The following RIMKLB variants were observed in gnomAD, a reference collection of about 807,000 sequenced individuals.
The protein encoded by RIMKLB is ribosomal modification protein rimK like family member B, also known as beta-citrylglutamate synthase B.
A neutral mutation model predicts 32.0 loss-of-function variants in RIMKLB; 7 were observed. The ratio of observed to expected loss-of-function variants is 0.22; its 90% CI spans 0.12 to 0.41. The LOEUF (loss-of-function observed/expected upper bound fraction) is 0.41. Ranked by LOEUF, RIMKLB falls within the 10% of genes least tolerant of loss-of-function variation. RIMKLB has a pLI of 1.00. For missense variants in RIMKLB, 289 were observed against 498.7 expected (o/e 0.58, Z 4.00); for synonymous variants, 172 against 185.1 (o/e 0.93, Z 0.57).
upstream of RIMKLB, chr12:8,678,875 T>G (rs1942360238): frequency 6.6e-6 from 1 of 152,210 alleles, no homozygotes; most frequent in Non-Finnish European, 1.5e-5. Context: ...TTTTTACCTA[T>G]TTAGCAGATT....
intron 1 of RIMKLB, among the ~76,000 whole-genome samples, chr12:8,708,448 G>C (rs901020328): frequency 1.2e-4 from 19 of 152,208 alleles, no homozygotes; most frequent in Non-Finnish European, 2.2e-4. Flanking sequence ...CCTCTGTACA[G>C]AATAGGTTGA....
intron 1 of RIMKLB, among the ~76,000 whole-genome samples, chr12:8,686,997 TAAG>T (rs1487479457): frequency 6.6e-6 from 1 of 152,156 alleles, no homozygotes; most frequent in Non-Finnish European, 1.5e-5. Flanking sequence ...TGTGGTGGGG[TAAG>T]AATACGTACT....
intron 2 of RIMKLB, among the ~76,000 whole-genome samples, chr12:8,748,929 T>A (rs1948387830): frequency 6.6e-6 from 1 of 151,984 alleles, no homozygotes. Context: ...ACAGTGAGCC[T>A]TTGTCTCAAA....
At chr12:8,685,877 G>A (rs770536138) in intron 1 of RIMKLB, among the ~76,000 whole-genome samples, 2 of 151,780 alleles carry the variant, frequency 1.3e-5, no homozygotes, top group African/African-American at 4.8e-5. Context: ...GGGCAATCTC[G>A]GCTCACTGCA....
At chr12:8,726,319 A>C (rs927803116) in intron 2 of RIMKLB, among the ~76,000 whole-genome samples, 9 of 152,196 alleles carry the variant, frequency 5.9e-5, no homozygotes, top group Non-Finnish European at 1.2e-4. Flanking sequence ...ACTTTTTCGT[A>C]TACTTATTTG....
chr12:8,723,231 G>C (rs907440705), intron 2 of RIMKLB, among the ~76,000 whole-genome samples: 1 of 152,174 alleles, frequency 6.6e-6, no homozygotes, highest in South Asian at 2.1e-4. Flanking sequence ...AGCCACTGTA[G>C]GGTTATTAAC....
chr12:8,672,769 C>T, the RIMKLB span, among the ~76,000 whole-genome samples: 3 of 152,200 alleles, frequency 2.0e-5, no homozygotes, highest in Admixed American at 2.0e-4. Flanking sequence ...CCTCCCCGTG[C>T]TCCTGCTTTC....
At chr12:8,753,307 C>T (rs1255024025) in intron 4 of RIMKLB, among the ~76,000 whole-genome samples, 1 of 152,108 alleles carries the variant, frequency 6.6e-6, no homozygotes, top group East Asian at 1.9e-4. Flanking sequence ...TTGTTTGGAG[C>T]AATCACAAGC....
intron 2 of RIMKLB, among the ~76,000 whole-genome samples, chr12:8,718,637 G>GTCTCTCTCTC (rs759765108): frequency 7.3e-6 from 1 of 136,214 alleles, no homozygotes; most frequent in Non-Finnish European, 1.6e-5. Context: ...GCGAGACTCC[G>GTCTCTCTCTC]TCTCTCTCTC....
intron 2 of RIMKLB, among the ~76,000 whole-genome samples, chr12:8,729,968 A>G (rs755355919): frequency 1.3e-5 from 2 of 152,168 alleles, no homozygotes; most frequent in African/African-American, 2.4e-5. Flanking sequence ...CCTATTGGCT[A>G]TTTGTATATC....
chr12:8,771,300 T>G (rs1387237147), intron 5 of RIMKLB, among the ~76,000 whole-genome samples: 1 of 152,110 alleles, frequency 6.6e-6, no homozygotes, highest in Non-Finnish European at 1.5e-5. Context: ...TCATCTGGAA[T>G]GAGGTCTTAT....
rs182064014 is a variant in RIMKLB at position 8,762,539 on chromosome 12, G to C, written c.697+8446G>C. On this transcript the variant is annotated intron_variant, in intron 5 of 5. Coordinates refer to ENST00000535829, the MANE Select transcript of RIMKLB (RefSeq NM_001297776.2). ...AAGACTGCCACCTCTTTAGGTTTCT[G>C]TACAGCCAAGAATAATCTCCTAATG... 1.7e-3 allele frequency among the ~76,000 whole-genome samples: 266 copies of C among 152,180 alleles called. 3 individuals are homozygous for C. The highest frequency in any genetic ancestry group is 1.2e-3 in the Non-Finnish European group (82 of 68,006).
At chr12:8,690,908 C>T (rs1002356830) in intron 1 of RIMKLB, among the ~76,000 whole-genome samples, 3 of 151,918 alleles carry the variant, frequency 2.0e-5, no homozygotes, top group South Asian at 2.1e-4. Flanking sequence ...GGCGACAGAG[C>T]GAGAGTCCGT....
intron 1 of RIMKLB, among the ~76,000 whole-genome samples, chr12:8,711,807 C>T (rs1239927836): frequency 1.3e-5 from 2 of 152,166 alleles, no homozygotes; most frequent in African/African-American, 4.8e-5. Context: ...GCCTGGAAGG[C>T]ACTGTGTGGC....
intron 1 of RIMKLB, among the ~76,000 whole-genome samples, chr12:8,699,136 T>G (rs973447821): frequency 1.3e-5 from 2 of 152,232 alleles, no homozygotes; most frequent in Non-Finnish European, 2.9e-5. Flanking sequence ...TCAATGCAAC[T>G]GCTATGTAAA....
At chr12:8,769,904 A>T in intron 5 of RIMKLB, among the ~76,000 whole-genome samples, 1 of 151,774 alleles carries the variant, frequency 6.6e-6, no homozygotes, top group East Asian at 1.9e-4. Flanking sequence ...TTTCCACTTG[A>T]TTGACTCATT....
intron 5 of RIMKLB, among the ~76,000 whole-genome samples, chr12:8,754,490 T>C (rs746776583): frequency 1.6e-4 from 24 of 152,208 alleles, no homozygotes; most frequent in Non-Finnish European, 2.5e-4. Flanking sequence ...TTTTCTTAAA[T>C]ATGTATTTTC....
At chr12:8,730,182 C>T (rs946173951) in intron 2 of RIMKLB, among the ~76,000 whole-genome samples, 3 of 152,124 alleles carry the variant, frequency 2.0e-5, no homozygotes, top group African/African-American at 7.2e-5. Context: ...AACCCCTAGG[C>T]TCAAGTGATT....
At chr12:8,678,773 A>G (rs1228717762), upstream of RIMKLB, 2 of 152,160 alleles carry the variant, frequency 1.3e-5, no homozygotes, top group Non-Finnish European at 2.9e-5. Flanking sequence ...CATTTCCCTC[A>G]TTGTGGTCAC....
Sources: allele counts gnomAD v4.1 joint callset (sites outside exome capture counted in the v4.1 genomes callset), GRCh38; gene constraint gnomAD v4.1.1; transcripts MANE v1.5; gene names NCBI Gene and HGNC (gene_info 2026-07-23, HGNC 2026-07-21).